The following PALLD variants were observed in gnomAD, a reference collection of about 807,000 sequenced individuals.
PALLD encodes palladin, cytoskeletal associated protein.
PALLD carries 61 observed loss-of-function variants against 123.5 expected under a neutral mutation model. The ratio of observed to expected loss-of-function variants is 0.49; its 90% confidence interval spans 0.40 to 0.61. The LOEUF (loss-of-function observed/expected upper bound fraction) is 0.61, where lower values mean the gene tolerates loss of function less well. Among genes scored for constraint, PALLD ranks in the 20% least tolerant of loss-of-function variants. The pLI is 0.00. For synonymous variants in PALLD, 465 were observed against 496.4 expected, an observed-to-expected ratio of 0.94 and a Z score of 0.84; for missense variants, 1,273 against 1,377.0, an observed-to-expected ratio of 0.92 and a Z score of 1.20.
chr4:168,705,975 T>C (rs538024123), intron 8 of PALLD, among the ~76,000 whole-genome samples: 1 of 152,362 alleles, frequency 6.6e-6, no homozygotes, highest in African/African-American at 2.4e-5. Context: ...ATACTTAATA[T>C]AGATTTCATT....
chr4:168,903,840 C>T lies in PALLD; in HGVS notation c.2556C>T (p.Ser852=). 1 of 1,613,446 alleles carries T rather than the reference C, an allele frequency of 6.2e-7. No individual in the cohort carries two copies. The highest frequency in any genetic ancestry group is 1.1e-5 in the South Asian group (1 of 91,064). ...TIQRDLDGTC[S]LHTTASTLDD... is the part of the protein sequence containing the mutation. ...AAAGAGATCTCGATGGGACCTGCTC[C>T]CTCCATACCACAGCCTCCACCCTAG... The change falls in exon 15 of 22, where the codon TCC becomes TCT. Residue 852 remains serine (S), a synonymous_variant. Coordinates refer to ENST00000505667, the MANE Select transcript of PALLD (RefSeq NM_001166108.2).
intron 10 of PALLD, among the ~76,000 whole-genome samples, chr4:168,770,946 A>G (rs1328676555): frequency 2.0e-5 from 3 of 151,940 alleles, no homozygotes; most frequent in Non-Finnish European, 2.9e-5. Flanking sequence ...TGTAGTCCCA[A>G]CTACTTGAGA....
chr4:168,807,068 G>A (rs957903746), intron 10 of PALLD, among the ~76,000 whole-genome samples: 1 of 152,174 alleles, frequency 6.6e-6, no homozygotes, highest in Non-Finnish European at 1.5e-5. Context: ...CCAGGGCGAT[G>A]AGAGCCAGAA....
At chr4:168,689,519 C>T (rs1405952049) in intron 6 of PALLD, among the ~76,000 whole-genome samples, 3 of 127,066 alleles carry the variant, frequency 2.4e-5, no homozygotes, top group Non-Finnish European at 4.7e-5. Context: ...GTGATCTTGG[C>T]TCACTGCAAC....
intron 9 of PALLD, among the ~76,000 whole-genome samples, chr4:168,709,550 GGAAGGAAGGAAGGAAGGAAGGA>G (rs1784556320): frequency 0.024 from 12 of 496 alleles, no homozygotes; most frequent in Non-Finnish European, 0.039. Context: ...AAGGAAGGAA[GGAAGGAAGGAAGGAAGGAAGGA>G]AGGAAGGAAG....
Position 168,818,863 on chromosome 4 carries a change from C to T in PALLD, c.1965-72059C>T, listed in dbSNP as rs567986396. The stretch of plus-strand genomic sequence containing the variant: ...TTTATGATAAATGATACAATAATGA[C>T]GAAAAGTTACCTTGTAAAATTACAC... On this transcript the variant is annotated intron_variant, in intron 10 of 21. Transcript: ENST00000505667. Among the ~76,000 whole-genome samples, 27 of 152,148 alleles carry T rather than the reference C, an allele frequency of 1.8e-4. No homozygotes were observed. In the East Asian group the frequency reaches 2.7e-3, roughly 15 times the overall value.
At chr4:168,596,676 A>G (rs1271750621) in intron 2 of PALLD, among the ~76,000 whole-genome samples, 2 of 151,074 alleles carry the variant, frequency 1.3e-5, no homozygotes, top group African/African-American at 2.4e-5. Context: ...ATTGGGTCCT[A>G]TAGATTTCCT....
At position 168,526,821 on chromosome 4, in the gene PALLD, T is replaced by TA. The variant is rs1201905389; in HGVS notation, c.908+14420dup. The stretch of plus-strand genomic sequence containing the variant: ...CAGGAAACAAGCTTGAAGCCAGGGG[T>TA]AAAAAAAAAAATTAAGAGAAGCAAA... On this transcript the variant is annotated intron_variant, in intron 2 of 21. Transcript: ENST00000505667. Among the ~76,000 whole-genome samples the TA allele has an allele frequency of 2.0e-3, 285 of 144,516 alleles. 1 individual carries two copies. The highest frequency in any genetic ancestry group is 6.7e-3 in the African/African-American group (264 of 39,410). The allele number at this position is 144,516 out of a possible 152,430, so 94.8% of individuals were successfully genotyped here. A position where few individuals can be genotyped will look rare whatever the true frequency, so the allele number is the denominator to read the frequency against.
At chr4:168,880,441 T>C (rs1339583469) in intron 10 of PALLD, among the ~76,000 whole-genome samples, 1 of 152,248 alleles carries the variant, frequency 6.6e-6, no homozygotes, top group Non-Finnish European at 1.5e-5. Context: ...TAAGCCATTA[T>C]TATGTGGTTA....
At chr4:168,725,150 T>C (rs771803544) in intron 10 of PALLD, among the ~76,000 whole-genome samples, 1 of 152,238 alleles carries the variant, frequency 6.6e-6, no homozygotes, top group Non-Finnish European at 1.5e-5. Flanking sequence ...AACAGTTGAA[T>C]GCCTAGCCAA....
intron 10 of PALLD, among the ~76,000 whole-genome samples, chr4:168,860,404 A>C (rs1003762089): frequency 3.9e-5 from 6 of 152,234 alleles, no homozygotes; most frequent in Non-Finnish European, 8.8e-5. Context: ...TTTCAGTAAT[A>C]AATGCTGTGA....
At chr4:168,646,389 C>G (rs1384887398) in intron 2 of PALLD, among the ~76,000 whole-genome samples, 1 of 152,228 alleles carries the variant, frequency 6.6e-6, no homozygotes, top group Non-Finnish European at 1.5e-5. Flanking sequence ...CAGTCCCAGA[C>G]TGGGCCAAGC....
At position 168,878,251 on chromosome 4, in the gene PALLD, G is replaced by C; in HGVS notation, c.1965-12671G>C. ...CGCCACCACCGCCGCTCCCGAGCCCGGGACAGGCGTCCCACTGCTCGTCGC... is the reference window on the plus strand; with the variant it reads ...CGCCACCACCGCCGCTCCCGAGCCCCGGACAGGCGTCCCACTGCTCGTCGC... On this transcript the variant is annotated intron_variant, in intron 10 of 21. Coordinates refer to ENST00000505667, the MANE Select transcript of PALLD (RefSeq NM_001166108.2). The C allele has an allele frequency of 6.8e-7, 1 of 1,477,216 alleles. No individual in the cohort carries two copies. The highest frequency in any genetic ancestry group is 9.0e-7 in the Non-Finnish European group (1 of 1,114,842). The allele number at this position is 1,477,216 out of a possible 1,614,324, so 91.5% of individuals were successfully genotyped here. A position where few individuals can be genotyped will look rare whatever the true frequency, so the allele number is the denominator to read the frequency against.
chr4:168,542,421 A>T (rs1468849778), intron 2 of PALLD, among the ~76,000 whole-genome samples: 7 of 151,772 alleles, frequency 4.6e-5, no homozygotes, highest in African/African-American at 1.2e-4. Flanking sequence ...AAAATTTTTT[A>T]AAATAAATTA....
intron 1 of PALLD, among the ~76,000 whole-genome samples, chr4:168,499,463 T>C (rs778146422): frequency 1.3e-5 from 2 of 152,178 alleles, no homozygotes; most frequent in African/African-American, 2.4e-5. Flanking sequence ...TTGGTTTTCA[T>C]AGTTTAGGTT....
intron 2 of PALLD, among the ~76,000 whole-genome samples, chr4:168,663,642 CA>C (rs1301568377): frequency 3.3e-5 from 5 of 152,176 alleles, no homozygotes; most frequent in Non-Finnish European, 5.9e-5. Flanking sequence ...GCAGGGTCAG[CA>C]ATGTCCTAGA....
intron 2 of PALLD, chr4:168,536,510 C>CT (rs1328739115): frequency 6.6e-6 from 1 of 152,236 alleles, no homozygotes; most frequent in Non-Finnish European, 1.5e-5. Context: ...GTTTAACTGA[C>CT]TCACAGTTCA....
chr4:168,804,582 G>A (rs974370048), intron 10 of PALLD, among the ~76,000 whole-genome samples: 14 of 152,194 alleles, frequency 9.2e-5, no homozygotes, highest in Admixed American at 3.3e-4. Flanking sequence ...TCAGCCCATC[G>A]GGGCAGCAGC....
intron 2 of PALLD, among the ~76,000 whole-genome samples, chr4:168,574,709 A>T (rs181427305): frequency 1.3e-5 from 2 of 152,218 alleles, no homozygotes; most frequent in Non-Finnish European, 2.9e-5. Flanking sequence ...GGAGAAAAGA[A>T]ATATCAAGTA....
Sources: allele counts gnomAD v4.1 joint callset (sites outside exome capture counted in the v4.1 genomes callset), GRCh38; gene constraint gnomAD v4.1.1; transcripts MANE v1.5; gene names NCBI Gene and HGNC (gene_info 2026-07-23, HGNC 2026-07-21).